The following CHST9 variants were observed in gnomAD, a reference collection of about 807,000 sequenced individuals.
CHST9 encodes the protein GalNAc-4-sulfotransferase 2.
In CHST9, 41 loss-of-function variants were observed where a neutral mutation model predicts 44.4. That is an observed-to-expected ratio of 0.92 (90% CI 0.72 to 1.20). CHST9 has a LOEUF of 1.20. Ranked by LOEUF, CHST9 falls within the 50% of genes most tolerant of loss-of-function variation. The probability of loss-of-function intolerance (pLI) is 0.00; values close to 1 mark genes in which losing one functional copy is unlikely to be tolerated. For missense variants in CHST9, 504 were observed against 516.5 expected (o/e 0.98, Z 0.23); for synonymous variants, 171 against 178.4 (o/e 0.96, Z 0.33).
At chr18:27,141,082 G>T (rs1832338161) in intron 2 of CHST9, among the ~76,000 whole-genome samples, 2 of 152,140 alleles carry the variant, frequency 1.3e-5, no homozygotes, top group Admixed American at 6.5e-5. Flanking sequence ...GCCTGGGCGG[G>T]GCACGGTGGC....
chr18:27,058,621 A>G (rs940652271), intron 2 of CHST9, among the ~76,000 whole-genome samples: 1 of 152,202 alleles, frequency 6.6e-6, no homozygotes, highest in Non-Finnish European at 1.5e-5. Context: ...AGCTAACCAC[A>G]CATGGAGGCC....
intron 3 of CHST9, among the ~76,000 whole-genome samples, chr18:27,033,251 G>T (rs2057359077): frequency 6.6e-6 from 1 of 152,128 alleles, no homozygotes; most frequent in South Asian, 2.1e-4. Context: ...ACCGTGGTTT[G>T]TACCTATTAC....
chr18:27,182,174 C>T (rs556500183), intron 1 of CHST9, among the ~76,000 whole-genome samples: 12 of 152,180 alleles, frequency 7.9e-5, no homozygotes, highest in Middle Eastern at 3.4e-3. Flanking sequence ...CATGGTGAAA[C>T]TGTTTCTCCT....
At chr18:27,096,263 G>T (rs996917684) in intron 2 of CHST9, among the ~76,000 whole-genome samples, 5 of 151,762 alleles carry the variant, frequency 3.3e-5, no homozygotes, top group African/African-American at 9.7e-5. Context: ...ACATATCAAA[G>T]TCTCTGGGAT....
chr18:27,176,841 T>C (rs1288768474), intron 1 of CHST9, among the ~76,000 whole-genome samples: 1 of 152,076 alleles, frequency 6.6e-6, no homozygotes, highest in Non-Finnish European at 1.5e-5. Context: ...AATTCATTTC[T>C]ATTCTAAATG....
At chr18:27,183,808 G>T (rs905602315) in intron 1 of CHST9, among the ~76,000 whole-genome samples, 15 of 152,056 alleles carry the variant, frequency 9.9e-5, no homozygotes, top group Non-Finnish European at 2.1e-4. Flanking sequence ...GGGTGCTCTT[G>T]CCCATGAAAA....
intron 2 of CHST9, among the ~76,000 whole-genome samples, chr18:27,138,074 G>T (rs1466708974): frequency 3.3e-5 from 5 of 152,144 alleles, no homozygotes; most frequent in African/African-American, 9.7e-5. Context: ...AACTGACTGT[G>T]CTGCTTCTCC....
At chr18:27,169,605 T>C (rs2058818506) in intron 1 of CHST9, among the ~76,000 whole-genome samples, 2 of 137,532 alleles carry the variant, frequency 1.5e-5, no homozygotes, top group Non-Finnish European at 3.1e-5. Context: ...CTTCTTTTTT[T>C]TTTTTTTTTT....
At chr18:27,086,708 T>A (rs1568166408) in intron 2 of CHST9, among the ~76,000 whole-genome samples, 2 of 152,142 alleles carry the variant, frequency 1.3e-5, no homozygotes, top group Non-Finnish European at 2.9e-5. Context: ...ATAATTACTT[T>A]AAAAAAACAC....
At chr18:27,095,813 C>T (rs764288155) in intron 2 of CHST9, among the ~76,000 whole-genome samples, 2 of 152,216 alleles carry the variant, frequency 1.3e-5, no homozygotes, top group Middle Eastern at 3.4e-3. Flanking sequence ...TCCAAAAAGA[C>T]TTGACAGCCA....
intron 5 of CHST9, among the ~76,000 whole-genome samples, chr18:26,942,097 G>A (rs899089104): frequency 6.6e-6 from 1 of 152,108 alleles, no homozygotes; most frequent in Admixed American, 6.5e-5. Flanking sequence ...ATACTGTATG[G>A]ATTATCTAAA....
chr18:26,978,285 ATG>A (rs35717712), intron 4 of CHST9, among the ~76,000 whole-genome samples: 10 of 150,168 alleles, frequency 6.7e-5, no homozygotes, highest in South Asian at 4.2e-4. Context: ...GAGTGTGTGT[ATG>A]TGTGTGTGTG....
intron 1 of CHST9, among the ~76,000 whole-genome samples, chr18:27,165,572 C>A (rs1358542692): frequency 6.6e-6 from 1 of 152,060 alleles, no homozygotes; most frequent in African/African-American, 2.4e-5. Flanking sequence ...AAAGTAAGCA[C>A]CAAATATAAA....
At chr18:26,967,158 A>C (rs951067147) in intron 4 of CHST9, among the ~76,000 whole-genome samples, 4 of 152,212 alleles carry the variant, frequency 2.6e-5, no homozygotes, top group African/African-American at 9.6e-5. Context: ...GCAAAAATCA[A>C]AAGGGTCACT....
rs144899709 is a variant in CHST9 at position 26,952,423 on chromosome 18, T to C, written c.203-8057A>G. 4.1e-4 allele frequency: 174 copies of C among 428,202 alleles called. 2 individuals are homozygous for C. The highest frequency in any genetic ancestry group is 3.2e-3 in the Admixed American group (115 of 36,138). 26.5% of individuals were successfully genotyped at this position (428,202 alleles called of 1,614,324 possible). A position where few individuals can be genotyped will look rare whatever the true frequency, so the allele number is the denominator to read the frequency against. Reference sequence around the variant, plus strand: ...GTACATAGAGACTGCCTTTGCACCATAGTTTTTACCGGAGGGAAATCTTAT... The same window carrying C: ...GTACATAGAGACTGCCTTTGCACCACAGTTTTTACCGGAGGGAAATCTTAT... On this transcript the variant is annotated intron_variant, in intron 4 of 5. Transcript: ENST00000618847.
At chr18:27,149,401 C>G (rs562052097) in intron 1 of CHST9, among the ~76,000 whole-genome samples, 82 of 152,200 alleles carry the variant, frequency 5.4e-4, no homozygotes, top group African/African-American at 2.0e-3. Flanking sequence ...GCATAGTATT[C>G]CACGGTATAG....
chr18:26,930,966 G>A (rs1322846252), intron 5 of CHST9: 2 of 151,916 alleles, frequency 1.3e-5, no homozygotes, highest in African/African-American at 4.8e-5. Flanking sequence ...GGAGAGGGGA[G>A]CTGTTTCTGC....
chr18:27,169,856 C>T (rs1344112356), intron 1 of CHST9, among the ~76,000 whole-genome samples: 3 of 152,078 alleles, frequency 2.0e-5, no homozygotes, highest in African/African-American at 7.2e-5. Context: ...ATCCTCCCGC[C>T]TCGGCCTCCC....
At chr18:27,002,733 A>T (rs1424868489) in intron 4 of CHST9, among the ~76,000 whole-genome samples, 1 of 152,168 alleles carries the variant, frequency 6.6e-6, no homozygotes, top group Admixed American at 6.5e-5. Flanking sequence ...ACCCTATAAT[A>T]AGATGAGGAG....
Sources: gnomAD v4.1 joint callset for allele counts (sites outside exome capture counted in the v4.1 genomes callset) on GRCh38, gnomAD v4.1.1 for gene constraint, MANE v1.5 for transcripts, NCBI Gene and HGNC (gene_info 2026-07-23, HGNC 2026-07-21) for gene names.